Variants in NMNAT2 observed in about 807,000 individuals in gnomAD.
NMNAT2 encodes nicotinamide nucleotide adenylyltransferase 2.
NMNAT2 carries 11 observed loss-of-function variants against 41.6 expected under a neutral mutation model. The ratio of observed to expected loss-of-function variants is 0.26; its 90% CI spans 0.17 to 0.44. The LOEUF is 0.44. Among genes scored for constraint, NMNAT2 ranks in the 20% least tolerant of loss-of-function variants. The pLI is 1.00. For synonymous variants in NMNAT2, 148 were observed against 151.2 expected (o/e 0.98, Z 0.16); for missense variants, 288 against 407.7 (o/e 0.71, Z 2.53).
chr1:183,292,208 T>A (rs566434980), intron 3 of NMNAT2, among the ~76,000 whole-genome samples: 4 of 152,272 alleles, frequency 2.6e-5, no homozygotes, highest in Non-Finnish European at 5.9e-5. Flanking sequence ...TTGCTTTAAT[T>A]ACACTGCAAG....
intron 1 of NMNAT2, among the ~76,000 whole-genome samples, chr1:183,355,608 G>A (rs1663167003): frequency 6.6e-6 from 1 of 152,236 alleles, no homozygotes; most frequent in Admixed American, 6.5e-5. Context: ...TAATAAAATT[G>A]TGTTGAGTGA....
intron 1 of NMNAT2, among the ~76,000 whole-genome samples, chr1:183,395,895 C>T (rs766812795): frequency 4.6e-5 from 7 of 152,138 alleles, no homozygotes; most frequent in Admixed American, 6.5e-5. Context: ...GTGGCTTCTT[C>T]GCAATGTTCA....
chr1:183,292,691 T>G, intron 3 of NMNAT2, 99 bp downstream of exon 3: 2 of 1,125,876 alleles, frequency 1.8e-6, no homozygotes, highest in South Asian at 2.6e-5. Context: ...TCCCCATCCT[T>G]TCAGGATCCA....
chr1:183,299,907 G>A (rs543179595), intron 1 of NMNAT2, among the ~76,000 whole-genome samples: 1 of 152,234 alleles, frequency 6.6e-6, no homozygotes, highest in East Asian at 1.9e-4. Context: ...TATAGTTATA[G>A]AAAATAGAAC....
At chr1:183,352,097 T>C (rs1663070513) in intron 1 of NMNAT2, among the ~76,000 whole-genome samples, 1 of 152,180 alleles carries the variant, frequency 6.6e-6, no homozygotes, top group Non-Finnish European at 1.5e-5. Context: ...CTGAGCATTC[T>C]GGTATAACCC....
rs555596073 is a variant in NMNAT2, at chr1:183,272,441, T to C, written c.651+6112A>G. ...TCTATTACACTTGAGAGAAACTCGA[T>C]GACTATGTATGGAATTTTTTCTCCA... On this transcript the variant is annotated intron_variant, in intron 8 of 10. Coordinates refer to ENST00000287713, the MANE Select transcript of NMNAT2 (RefSeq NM_015039.4). 5.3e-5 allele frequency among the ~76,000 whole-genome samples: 8 copies of C among 152,328 alleles called. No individual in the cohort carries two copies. The East Asian group carries it at 1.5e-3, about 29-fold the overall frequency.
intron 1 of NMNAT2, among the ~76,000 whole-genome samples, chr1:183,379,546 A>C (rs927417699): frequency 2.6e-5 from 4 of 152,212 alleles, no homozygotes; most frequent in African/African-American, 7.2e-5. Flanking sequence ...AAAGATATAC[A>C]TGCAAATTCT....
At chr1:183,363,109 G>T (rs1367287390) in intron 1 of NMNAT2, among the ~76,000 whole-genome samples, 1 of 152,082 alleles carries the variant, frequency 6.6e-6, no homozygotes, top group Non-Finnish European at 1.5e-5. Context: ...AGAAATTTCT[G>T]TTCAAACCCC....
intron 1 of NMNAT2, among the ~76,000 whole-genome samples, chr1:183,392,960 G>A (rs1466835772): frequency 5.9e-5 from 9 of 151,936 alleles, no homozygotes; most frequent in African/African-American, 1.9e-4. Context: ...TTAGTTGATT[G>A]TCTTTCTGCC....
intron 1 of NMNAT2, among the ~76,000 whole-genome samples, chr1:183,296,658 G>A (rs1015794585): frequency 3.9e-5 from 6 of 151,940 alleles, no homozygotes; most frequent in African/African-American, 1.2e-4. Context: ...GATTACAGAC[G>A]TGCACCACCA....
intron 1 of NMNAT2, among the ~76,000 whole-genome samples, chr1:183,338,600 T>C (rs1397431825): frequency 6.6e-6 from 1 of 152,222 alleles, no homozygotes; most frequent in Non-Finnish European, 1.5e-5. Flanking sequence ...GACTTTACAT[T>C]AATGCGTATT....
At chr1:183,298,533 A>C (rs1226449545) in intron 1 of NMNAT2, among the ~76,000 whole-genome samples, 2 of 152,384 alleles carry the variant, frequency 1.3e-5, no homozygotes, top group East Asian at 3.8e-4. Context: ...AAGAAATCAA[A>C]GAAGATCTAA....
Position 183,278,763 on chromosome 1 carries a change from C to G in NMNAT2, c.575-134G>C, listed in dbSNP as rs113006665. Reference sequence around the variant, plus strand: ...TGTGGGGCCCAGTTATCCCAGGTGCCTCTGCCCCTGAGTGTGTGCAGAGCA... The same window carrying G: ...TGTGGGGCCCAGTTATCCCAGGTGCGTCTGCCCCTGAGTGTGTGCAGAGCA... On this transcript the variant is annotated intron_variant, in intron 7 of 10. Transcript: ENST00000287713. 1.8e-4 allele frequency: 124 copies of G among 676,488 alleles called. No homozygotes were observed. The African/African-American group carries it at 2.1e-3, about 11-fold the overall frequency. 41.9% of individuals were successfully genotyped at this position (676,488 alleles called of 1,614,324 possible).
intron 1 of NMNAT2, among the ~76,000 whole-genome samples, chr1:183,323,006 G>A (rs181291396): frequency 6.6e-6 from 1 of 151,888 alleles, no homozygotes; most frequent in South Asian, 2.1e-4. Flanking sequence ...ATTTCGGCTC[G>A]CTGCAACCTC....
At position 183,248,722 on chromosome 1, in the gene NMNAT2, A is replaced by G. The variant is rs1193811610; in HGVS notation, c.*3919T>C. On this transcript the variant is annotated 3_prime_UTR_variant, in exon 11 of 11. Transcript: ENST00000287713. ...CTAAGGTGTCCTAATTGTATGAGCTACAAAATCGGTCCCTGTTTCCATTCT... is the reference window on the plus strand; with the variant it reads ...CTAAGGTGTCCTAATTGTATGAGCTGCAAAATCGGTCCCTGTTTCCATTCT... 2.0e-5 allele frequency: 3 copies of G among 152,266 alleles called. No homozygotes were observed. Among genetic ancestry groups the G allele is most frequent in the African/African-American group, 4.8e-5 (2 of 41,468 alleles). 9.4% of individuals were successfully genotyped at this position (152,266 alleles called of 1,614,324 possible).
intron 10 of NMNAT2, among the ~76,000 whole-genome samples, chr1:183,259,827 C>G (rs922164271): frequency 1.3e-5 from 2 of 152,170 alleles, no homozygotes; most frequent in Admixed American, 1.3e-4. Context: ...TCTCGATCTC[C>G]TGACCTCGTG....
At chr1:183,317,756 T>C (rs1662283633) in intron 1 of NMNAT2, among the ~76,000 whole-genome samples, 1 of 152,194 alleles carries the variant, frequency 6.6e-6, no homozygotes, top group Non-Finnish European at 1.5e-5. Flanking sequence ...GGAAGTGGAT[T>C]CATGAACCCC....
chr1:183,341,414 A>T (rs1662798154), intron 1 of NMNAT2, among the ~76,000 whole-genome samples: 1 of 151,162 alleles, frequency 6.6e-6, no homozygotes, highest in Non-Finnish European at 1.5e-5. Flanking sequence ...ATGGTGACTC[A>T]CGTCTGTAAT....
chr1:183,380,491 T>C (rs967632448), intron 1 of NMNAT2, among the ~76,000 whole-genome samples: 3 of 152,124 alleles, frequency 2.0e-5, no homozygotes, highest in Non-Finnish European at 2.9e-5. Flanking sequence ...ATAAAGGCAA[T>C]TTTGAAATAA....
Sources: gnomAD v4.1 joint callset for allele counts (sites outside exome capture counted in the v4.1 genomes callset) on GRCh38, gnomAD v4.1.1 for gene constraint, MANE v1.5 for transcripts, NCBI Gene and HGNC (gene_info 2026-07-23, HGNC 2026-07-21) for gene names.